Variants in SHANK2 observed in about 807,000 individuals in gnomAD.
SHANK2 encodes SH3 and multiple ankyrin repeat domains 2, also known as SH3 and multiple ankyrin repeat domains protein 2.
SHANK2 carries 43 observed loss-of-function variants against 133.7 expected under a neutral mutation model. That is an observed-to-expected ratio of 0.32 (90% CI 0.25 to 0.41). The LOEUF (loss-of-function observed/expected upper bound fraction) is 0.41. SHANK2 is among the 10% of genes least tolerant of loss of function. The pLI, the probability that SHANK2 is intolerant of heterozygous loss-of-function variation, is 1.00. For missense variants in SHANK2, 1,994 were observed against 2,235.8 expected (o/e 0.89, Z 2.18); for synonymous variants, 1,017 against 952.8 (o/e 1.07, Z -1.24).
chr11:71,109,685 C>T (rs1555098707), intron 6 of SHANK2, among the ~76,000 whole-genome samples: 1 of 152,244 alleles, frequency 6.6e-6, no homozygotes, highest in African/African-American at 2.4e-5. Flanking sequence ...TTCACTCATT[C>T]ACCTCCTCAA....
Position 70,906,790 on chromosome 11 carries a change from G to T in SHANK2, c.1108-10223C>A, listed in dbSNP as rs545290127. Among the ~76,000 whole-genome samples, 13 of 152,274 alleles carry T rather than the reference G, an allele frequency of 8.5e-5. No individual in the cohort carries two copies. The East Asian group carries it at 2.5e-3, about 29-fold the overall frequency. On this transcript the variant is annotated intron_variant, in intron 10 of 25. Transcript: ENST00000601538. Reference sequence around the variant, plus strand: ...ATCCTCCAAGCACGGCAGGGAGTGGGCCTGGGCTCCTGGCTCACCAAGGTC... The same window carrying T: ...ATCCTCCAAGCACGGCAGGGAGTGGTCCTGGGCTCCTGGCTCACCAAGGTC...
At chr11:71,067,945 CATT>C (rs1389170881) in intron 9 of SHANK2, among the ~76,000 whole-genome samples, 10 of 151,782 alleles carry the variant, frequency 6.6e-5, no homozygotes, top group African/African-American at 1.9e-4. Flanking sequence ...TCACCATCAT[CATT>C]ATCACTGTCA....
At chr11:70,599,917 A>AAGAAAGAAAGAT (rs1565166445) in intron 17 of SHANK2, among the ~76,000 whole-genome samples, 15 of 77,478 alleles carry the variant, frequency 1.9e-4, no homozygotes, top group African/African-American at 9.1e-4. Context: ...GAAAGAAAGA[A>AAGAAAGAAAGAT]AGAAAGAAAG....
intron 17 of SHANK2, among the ~76,000 whole-genome samples, chr11:70,655,226 T>C (rs2061392254): frequency 6.6e-6 from 1 of 152,246 alleles, no homozygotes; most frequent in African/African-American, 2.4e-5. Flanking sequence ...AGGAGTATAG[T>C]CACAAAAAAG....
chr11:70,818,071 G>A (rs369764203), intron 12 of SHANK2, among the ~76,000 whole-genome samples: 2 of 152,148 alleles, frequency 1.3e-5, no homozygotes, highest in Non-Finnish European at 2.9e-5. Flanking sequence ...GGCAGATTGG[G>A]TTTTACCTGC....
chr11:71,124,676 C>T (rs1952149265), intron 3 of SHANK2, among the ~76,000 whole-genome samples: 1 of 152,120 alleles, frequency 6.6e-6, no homozygotes, highest in South Asian at 2.1e-4. Context: ...CAAATCTCCC[C>T]ATCTCCCGAG....
chr11:71,131,083 G>A (rs1436219507), intron 3 of SHANK2, among the ~76,000 whole-genome samples: 7 of 152,240 alleles, frequency 4.6e-5, no homozygotes, highest in South Asian at 2.1e-4. Context: ...AGGCGTCTTC[G>A]GGTCTTTGAT....
At chr11:70,791,313 C>T (rs1947781730) in intron 14 of SHANK2, among the ~76,000 whole-genome samples, 1 of 152,188 alleles carries the variant, frequency 6.6e-6, no homozygotes, top group Admixed American at 6.5e-5. Flanking sequence ...AGAGCCTAAA[C>T]TCCAGCAGGA....
At chr11:71,108,891 G>A (rs925691561) in intron 6 of SHANK2, among the ~76,000 whole-genome samples, 11 of 152,216 alleles carry the variant, frequency 7.2e-5, no homozygotes, top group Admixed American at 3.3e-4. Context: ...ACAGTCCCCC[G>A]GCAGTGCTCA....
chr11:71,193,281 G>A (rs1388207973), intron 2 of SHANK2, among the ~76,000 whole-genome samples: 2 of 152,216 alleles, frequency 1.3e-5, no homozygotes, highest in African/African-American at 2.4e-5. Flanking sequence ...TTCTGGGGCC[G>A]TCTCATCAGA....
At chr11:71,222,564 C>T (rs1954569491) in intron 2 of SHANK2, among the ~76,000 whole-genome samples, 2 of 152,314 alleles carry the variant, frequency 1.3e-5, no homozygotes, top group South Asian at 2.1e-4. Context: ...AAGGCAGAAG[C>T]GCATGCACGC....
chr11:70,846,326 C>T (rs1475797231), intron 11 of SHANK2, among the ~76,000 whole-genome samples: 20 of 152,130 alleles, frequency 1.3e-4, no homozygotes, highest in Admixed American at 9.2e-4. Context: ...TGCAGTGGTG[C>T]GGTCTCAGCT....
chr11:70,912,296 T>A lies in SHANK2; in HGVS notation c.1108-15729A>T, dbSNP rs568118679. On this transcript the variant is annotated intron_variant, in intron 10 of 25. Transcript: ENST00000601538. ...CTTATGGGGTATCAACTACATTTTT[T>A]AAAATTGGACTAGTTGGGTGTTGAT... 6.6e-5 allele frequency among the ~76,000 whole-genome samples: 10 copies of A among 152,250 alleles called. No individual in the cohort carries two copies. In the South Asian group the frequency reaches 8.3e-4, roughly 13 times the overall value.
At chr11:71,211,192 C>CT (rs34505384) in intron 2 of SHANK2, among the ~76,000 whole-genome samples, 3,767 of 101,688 alleles carry the variant, frequency 0.037, 38 homozygotes, top group Admixed American at 0.094. Context: ...GGTCAATTTC[C>CT]TTTTTTTTTT....
chr11:71,076,699 T>C (rs2135988531), intron 8 of SHANK2, among the ~76,000 whole-genome samples: 1 of 152,268 alleles, frequency 6.6e-6, no homozygotes, highest in African/African-American at 2.4e-5. Context: ...GCGTTTGCCT[T>C]TGGGGGCTAC....
At chr11:70,641,385 G>A (rs1030632890) in intron 17 of SHANK2, among the ~76,000 whole-genome samples, 2 of 152,144 alleles carry the variant, frequency 1.3e-5, no homozygotes, top group Non-Finnish European at 2.9e-5. Flanking sequence ...AAGCCACTGC[G>A]CCTGGACTAT....
At chr11:70,860,166 C>T (rs1222511581) in intron 11 of SHANK2, among the ~76,000 whole-genome samples, 2 of 152,204 alleles carry the variant, frequency 1.3e-5, no homozygotes, top group East Asian at 3.9e-4. Context: ...AAGGTGAACA[C>T]AGCCCACCTG....
chr11:70,821,063 C>T (rs1948510661), intron 11 of SHANK2, among the ~76,000 whole-genome samples: 3 of 152,186 alleles, frequency 2.0e-5, no homozygotes, highest in Non-Finnish European at 4.4e-5. Flanking sequence ...CCGCAAGATG[C>T]CTCCTCCCCA....
intron 17 of SHANK2, among the ~76,000 whole-genome samples, chr11:70,639,060 C>T (rs1555005363): frequency 6.6e-6 from 1 of 152,138 alleles, no homozygotes; most frequent in African/African-American, 2.4e-5. Context: ...TCACACTGCC[C>T]TGAGTCTCAC....
Sources: gnomAD v4.1 joint callset for allele counts (sites outside exome capture counted in the v4.1 genomes callset) on GRCh38, gnomAD v4.1.1 for gene constraint, MANE v1.5 for transcripts, NCBI Gene and HGNC (gene_info 2026-07-23, HGNC 2026-07-21) for gene names.